TBC1D8B: variants seen among roughly 807,000 people sequenced by gnomAD.
The protein encoded by TBC1D8B is TBC1 domain family member 8B, also known as RP11-321G1.1.
Under a neutral mutation model 82.9 loss-of-function variants are expected in TBC1D8B, and 75 were observed. That is an observed-to-expected ratio of 0.90 (90% CI 0.75 to 1.10). The LOEUF is 1.10. Among genes scored for constraint, TBC1D8B ranks in the 50% least tolerant of loss-of-function variants. The probability of loss-of-function intolerance (pLI) is 0.00; values close to 1 mark genes in which losing one functional copy is unlikely to be tolerated. For missense variants in TBC1D8B, 794 were observed against 796.9 expected, an observed-to-expected ratio of 1.00 and a Z score of 0.04; for synonymous variants, 276 against 276.8, an observed-to-expected ratio of 1.00 and a Z score of 0.03.
chrX:106,873,567 T>C lies in TBC1D8B; in HGVS notation c.2968-3T>C. On this transcript the variant is annotated splice_polypyrimidine_tract_variant and splice_region_variant and intron_variant, in intron 20 of 20. Transcript: ENST00000357242. Reference sequence around the variant, plus strand: ...CGTGATATTTTCAACTTGTGTCTTCTAGTCTCAGTTTATTCAGTTTTCAAA... The same window carrying C: ...CGTGATATTTTCAACTTGTGTCTTCCAGTCTCAGTTTATTCAGTTTTCAAA... The C allele has an allele frequency of 8.4e-7, 1 of 1,186,472 alleles. No individual in the cohort carries two copies. The highest frequency in any genetic ancestry group is 1.8e-5 in the African/African-American group (1 of 56,561).
At chrX:106,845,190 T>C (rs1932410186) in intron 10 of TBC1D8B, among the ~76,000 whole-genome samples, 1 of 111,083 alleles carries the variant, frequency 9.0e-6, no homozygotes, top group South Asian at 3.8e-4. Flanking sequence ...TTTTGGAAAA[T>C]TTTTTTAGTT....
At chrX:106,816,523 TTC>T (rs1423102608) in intron 1 of TBC1D8B, among the ~76,000 whole-genome samples, 1 of 111,149 alleles carries the variant, frequency 9.0e-6, no homozygotes, top group African/African-American at 3.3e-5. Flanking sequence ...TATAATTATT[TTC>T]TGTTTCCCTC....
At chrX:106,864,580 A>C in intron 14 of TBC1D8B, among the ~76,000 whole-genome samples, 1 of 94,246 alleles carries the variant, frequency 1.1e-5, no homozygotes, top group Non-Finnish European at 2.0e-5. Context: ...ATACAGTGGC[A>C]TGATCTCGGC....
intron 12 of TBC1D8B, among the ~76,000 whole-genome samples, chrX:106,850,996 G>A (rs1000918511): frequency 1.8e-5 from 2 of 111,563 alleles, no homozygotes; most frequent in African/African-American, 6.5e-5. Flanking sequence ...TATTTGCCAA[G>A]TACTCTCTGA....
intron 11 of TBC1D8B, among the ~76,000 whole-genome samples, chrX:106,849,080 A>G (rs1295375273): frequency 9.2e-6 from 1 of 108,411 alleles, no homozygotes; most frequent in Non-Finnish European, 1.9e-5. Flanking sequence ...CCTGGCCAAT[A>G]TTTTCTTTAA....
intron 5 of TBC1D8B, among the ~76,000 whole-genome samples, 165 bp downstream of exon 5, chrX:106,823,631 C>T (rs977597730): frequency 1.4e-4 from 16 of 110,603 alleles, no homozygotes; most frequent in African/African-American, 5.3e-4. Context: ...ATATGCATTA[C>T]ATAAATAGTA....
chrX:106,863,777 C>T (rs1392372675), intron 14 of TBC1D8B, among the ~76,000 whole-genome samples: 1 of 111,825 alleles, frequency 8.9e-6, no homozygotes, highest in African/African-American at 3.3e-5. Context: ...TTGGGTGTTT[C>T]CAGTGACAAC....
intron 20 of TBC1D8B, 100 bp downstream of exon 20, chrX:106,870,913 A>C (rs913255761): frequency 2.0e-6 from 1 of 495,874 alleles, no homozygotes; most frequent in African/African-American, 2.5e-5. Context: ...AAAATAGTTA[A>C]ATAATCTATC....
chrX:106,827,184 T>A lies in TBC1D8B; in HGVS notation c.1050T>A (p.Asp350Glu). The A allele has an allele frequency of 1.7e-6, 2 of 1,210,756 alleles. No homozygotes were observed. Among genetic ancestry groups the A allele is most frequent in the African/African-American group, 1.7e-5 (1 of 57,765 alleles). Residue 350 changes from aspartate (D) to glutamate (E), a missense_variant, in exon 7 of 21, where the codon GAT (aspartate) becomes GAA (glutamate). Coordinates refer to ENST00000357242, the MANE Select transcript of TBC1D8B (RefSeq NM_017752.3). Reference sequence around the variant, plus strand: ...TCACCCCCTAGGTCTTAGCTATAGATAAGACAAATGATTCCAGCAAATCTG... The same window carrying A: ...TCACCCCCTAGGTCTTAGCTATAGAAAAGACAAATGATTCCAGCAAATCTG... ...IIPLREVLAI[D>E]KTNDSSKSVI...
chrX:106,834,603 C>A (rs960351573), intron 7 of TBC1D8B, among the ~76,000 whole-genome samples: 2 of 111,876 alleles, frequency 1.8e-5, no homozygotes, highest in Admixed American at 1.9e-4. Context: ...TGAGATAAAG[C>A]AAGTCCCATC....
chrX:106,814,019 C>T (rs1324892371), intron 1 of TBC1D8B: 1 of 107,334 alleles, frequency 9.3e-6, no homozygotes, highest in Non-Finnish European at 1.9e-5. Flanking sequence ...CCCGCCACCC[C>T]ACAACAGGCC....
intron 7 of TBC1D8B, among the ~76,000 whole-genome samples, chrX:106,839,032 T>C (rs1932240077): frequency 9.0e-6 from 1 of 111,714 alleles, no homozygotes; most frequent in Non-Finnish European, 1.9e-5. Context: ...TGCATGCCTT[T>C]GGTTAATTCC....
intron 17 of TBC1D8B, 47 bp from the exon 18 acceptor site, chrX:106,868,346 C>A (rs753809978): frequency 1.1e-6 from 1 of 881,519 alleles, no homozygotes; most frequent in East Asian, 3.8e-5. Context: ...CTCATCTCTG[C>A]CCCTGGTTGT....
chrX:106,825,565 G>A (rs978983210), intron 5 of TBC1D8B, among the ~76,000 whole-genome samples: 60 of 110,289 alleles, frequency 5.4e-4, no homozygotes, highest in African/African-American at 1.8e-3. Context: ...TTTTAATATC[G>A]TCTTTAATAG....
At chrX:106,861,794 A>G (rs1569455754) in intron 14 of TBC1D8B, among the ~76,000 whole-genome samples, 1 of 111,632 alleles carries the variant, frequency 9.0e-6, no homozygotes. Context: ...TTGTTAGCTG[A>G]TTATTATGCA....
Position 106,855,203 on chromosome X carries a change from T to C in TBC1D8B, c.2352+907T>C, listed in dbSNP as rs1305694220. ...TGGGAAGATTAATGTTTCTGAAGAT[T>C]CCAGGTTTAGATTTCAATTGAATAA... On this transcript the variant is annotated intron_variant, in intron 14 of 20. Coordinates refer to ENST00000357242, the MANE Select transcript of TBC1D8B (RefSeq NM_017752.3). 4.5e-5 allele frequency among the ~76,000 whole-genome samples: 5 copies of C among 112,351 alleles called. No individual in the cohort carries two copies. The East Asian group carries it at 1.4e-3, about 31-fold the overall frequency.
chrX:106,827,914 A>G (rs1203219951), intron 7 of TBC1D8B: 1 of 111,463 alleles, frequency 9.0e-6, no homozygotes, highest in African/African-American at 3.3e-5. Context: ...TTCAAAAGCT[A>G]GCAGAAGGCA....
chrX:106,866,553 T>G (rs1441848480), intron 16 of TBC1D8B, among the ~76,000 whole-genome samples: 1 of 111,991 alleles, frequency 8.9e-6, no homozygotes, highest in Admixed American at 9.5e-5. Flanking sequence ...AATCTGAGAT[T>G]GGGGGGAAGG....
intron 1 of TBC1D8B, among the ~76,000 whole-genome samples, chrX:106,806,295 A>G (rs945850576): frequency 4.5e-5 from 5 of 112,195 alleles, no homozygotes; most frequent in African/African-American, 1.6e-4. Flanking sequence ...AATTTTTGGT[A>G]TACATAAGCG....
Sources: gnomAD v4.1 joint callset for allele counts (sites outside exome capture counted in the v4.1 genomes callset) on GRCh38, gnomAD v4.1.1 for gene constraint, MANE v1.5 for transcripts, NCBI Gene and HGNC (gene_info 2026-07-23, HGNC 2026-07-21) for gene names.